Variants in ERBB4 observed in about 807,000 individuals in gnomAD.
ERBB4 encodes the protein erb-b2 receptor tyrosine kinase 4.
Under a neutral mutation model 158.0 loss-of-function variants are expected in ERBB4, and 42 were observed. That is an observed-to-expected ratio of 0.27 (90% CI 0.21 to 0.34). The LOEUF is 0.34. Ranked by LOEUF, ERBB4 falls within the 10% of genes least tolerant of loss-of-function variation. The pLI, the probability that ERBB4 is intolerant of heterozygous loss-of-function variation, is 1.00. For missense variants in ERBB4, 1,333 were observed against 1,624.1 expected (o/e 0.82, Z 3.08); for synonymous variants, 583 against 558.7 (o/e 1.04, Z -0.61).
At chr2:212,460,612 G>A (rs976797520) in intron 1 of ERBB4, among the ~76,000 whole-genome samples, 1 of 152,058 alleles carries the variant, frequency 6.6e-6, no homozygotes, top group African/African-American at 2.4e-5. Context: ...GATGATTTAG[G>A]GTATCTGGTG....
At chr2:211,993,249 G>A (rs2082121729) in intron 2 of ERBB4, among the ~76,000 whole-genome samples, 1 of 152,168 alleles carries the variant, frequency 6.6e-6, no homozygotes, top group Non-Finnish European at 1.5e-5. Flanking sequence ...GGGGATTGAT[G>A]TCTTTACAAG....
chr2:211,569,957 T>C (rs2067664863), intron 19 of ERBB4, among the ~76,000 whole-genome samples: 1 of 152,156 alleles, frequency 6.6e-6, no homozygotes. Flanking sequence ...GCCAATATCA[T>C]ATAATTTTCT....
At chr2:212,233,172 A>G (rs2083727495) in intron 1 of ERBB4, among the ~76,000 whole-genome samples, 1 of 152,140 alleles carries the variant, frequency 6.6e-6, no homozygotes, top group South Asian at 2.1e-4. Context: ...TGATATAATG[A>G]CCATGCTTTA....
At chr2:211,508,379 T>A (rs2065802601) in intron 20 of ERBB4, among the ~76,000 whole-genome samples, 1 of 152,102 alleles carries the variant, frequency 6.6e-6, no homozygotes, top group African/African-American at 2.4e-5. Flanking sequence ...GAAAAAAAGA[T>A]CATCATCACT....
intron 1 of ERBB4, among the ~76,000 whole-genome samples, chr2:212,343,376 G>A (rs1023121064): frequency 1.3e-5 from 2 of 152,100 alleles, no homozygotes; most frequent in Non-Finnish European, 1.5e-5. Context: ...GAGTATTCAG[G>A]TGAAATTAAA....
intron 1 of ERBB4, among the ~76,000 whole-genome samples, chr2:212,428,132 T>C (rs1269500192): frequency 6.6e-5 from 10 of 152,174 alleles, no homozygotes. Context: ...TTTGTTGTTA[T>C]TTTTATTAAG....
At chr2:211,769,251 C>T (rs757444978) in intron 4 of ERBB4, among the ~76,000 whole-genome samples, 5 of 152,202 alleles carry the variant, frequency 3.3e-5, no homozygotes, top group Non-Finnish European at 5.9e-5. Flanking sequence ...GCCTGCACTT[C>T]ATTCTCCATA....
intron 1 of ERBB4, among the ~76,000 whole-genome samples, chr2:212,201,703 C>G (rs964863994): frequency 6.6e-6 from 1 of 152,138 alleles, no homozygotes; most frequent in East Asian, 1.9e-4. Context: ...ATTCTGTCCT[C>G]TCTGGATACT....
At chr2:211,759,638 T>G (rs2075361537) in intron 4 of ERBB4, among the ~76,000 whole-genome samples, 1 of 152,094 alleles carries the variant, frequency 6.6e-6, no homozygotes, top group African/African-American at 2.4e-5. Flanking sequence ...AGATGTCACC[T>G]CTCCATGACT....
chr2:212,369,558 T>C (rs2090013030), intron 1 of ERBB4, among the ~76,000 whole-genome samples: 1 of 152,198 alleles, frequency 6.6e-6, no homozygotes, highest in Non-Finnish European at 1.5e-5. Flanking sequence ...TAAATTTTCT[T>C]TTATCTGAAT....
intron 1 of ERBB4, among the ~76,000 whole-genome samples, chr2:212,261,858 T>C (rs1438265758): frequency 6.6e-6 from 1 of 152,154 alleles, no homozygotes; most frequent in Non-Finnish European, 1.5e-5. Flanking sequence ...AAATGCACTC[T>C]GTTTTTATGG....
chr2:212,046,750 C>A (rs765912748), intron 2 of ERBB4, among the ~76,000 whole-genome samples: 2 of 152,112 alleles, frequency 1.3e-5, no homozygotes, highest in Non-Finnish European at 2.9e-5. Context: ...GGAAAAATTT[C>A]TTCACCTAGT....
intron 20 of ERBB4, among the ~76,000 whole-genome samples, chr2:211,556,339 G>A (rs570110398): frequency 1.3e-5 from 2 of 151,980 alleles, no homozygotes; most frequent in African/African-American, 4.8e-5. Flanking sequence ...AATAATAGCG[G>A]GAAACTTCAA....
chr2:212,261,745 T>G (rs2084952915), intron 1 of ERBB4, among the ~76,000 whole-genome samples: 1 of 152,132 alleles, frequency 6.6e-6, no homozygotes, highest in Admixed American at 6.5e-5. Flanking sequence ...TGTTTTATAA[T>G]CTTATTTCTC....
intron 1 of ERBB4, among the ~76,000 whole-genome samples, chr2:212,424,512 G>C (rs1435894135): frequency 1.3e-5 from 2 of 152,054 alleles, no homozygotes; most frequent in East Asian, 3.9e-4. Context: ...ACTTTTCAAG[G>C]CTATATAAAA....
chr2:212,296,349 G>A (rs2086409043), intron 1 of ERBB4, among the ~76,000 whole-genome samples: 1 of 151,692 alleles, frequency 6.6e-6, no homozygotes, highest in Admixed American at 6.6e-5. Context: ...ACTAATCAAG[G>A]AGAAAGTAGA....
At chr2:212,078,172 G>A (rs1271685719) in intron 2 of ERBB4, among the ~76,000 whole-genome samples, 1 of 151,898 alleles carries the variant, frequency 6.6e-6, no homozygotes, top group African/African-American at 2.4e-5. Context: ...ATAGACTTAG[G>A]TCACCTCATT....
chr2:212,271,834 T>C (rs2085355317), intron 1 of ERBB4, among the ~76,000 whole-genome samples: 1 of 151,764 alleles, frequency 6.6e-6, no homozygotes, highest in Non-Finnish European at 1.5e-5. Flanking sequence ...TACATTCTGC[T>C]TCAGAGGGAG....
intron 20 of ERBB4, among the ~76,000 whole-genome samples, chr2:211,497,403 C>T (rs1559228005): frequency 6.6e-6 from 1 of 151,946 alleles, no homozygotes; most frequent in African/African-American, 2.4e-5. Context: ...CACTATAGTC[C>T]CAGTGCCTCT....
Sources: allele counts gnomAD v4.1 joint callset (sites outside exome capture counted in the v4.1 genomes callset), GRCh38; gene constraint gnomAD v4.1.1; transcripts MANE v1.5; gene names NCBI Gene and HGNC (gene_info 2026-07-23, HGNC 2026-07-21).